Variants in OR51B5 observed in about 807,000 individuals in gnomAD.
OR51B5 encodes olfactory receptor family 51 subfamily B member 5.
For missense variants in OR51B5, 456 were observed against 374.6 expected (o/e 1.22, Z -1.79); for synonymous variants, 186 against 144.8 (o/e 1.28, Z -2.04).
chr11:5,494,087 T>G (rs1298688870), intron 1 of OR51B5, among the ~76,000 whole-genome samples: 2 of 152,184 alleles, frequency 1.3e-5, no homozygotes, highest in Non-Finnish European at 2.9e-5. Flanking sequence ...GCATAACTTC[T>G]ACCATACAAG....
In OR51B5 at chr11:5,482,136, T is replaced by C. The variant is rs1444290059; in HGVS notation, n.84+23433A>G. 6.1e-4 allele frequency among the ~76,000 whole-genome samples: 71 copies of C among 116,044 alleles called. 8 individuals are homozygous for C. The highest frequency in any genetic ancestry group is 1.0e-4 in the Non-Finnish European group (6 of 58,702). 76.1% of individuals were successfully genotyped at this position (116,044 alleles called of 152,430 possible). A position where few individuals can be genotyped will look rare whatever the true frequency, so the allele number is the denominator to read the frequency against. ...CAAGGCTACAATAACCAAAACAGCA[T>C]GGTACTGGTACCAAAACAGAGATAT... On this transcript the variant is annotated intron_variant and non_coding_transcript_variant, in intron 1 of 4. Coordinates refer to the OR51B5 transcript ENST00000415970.
downstream of OR51B5, chr11:5,342,533 T>A: frequency 6.6e-7 from 1 of 1,521,214 alleles, no homozygotes; most frequent in East Asian, 2.3e-5. Context: ...TTTGCTCTCC[T>A]GCTAAATATT....
At chr11:5,343,517 G>C in exon 1 of OR51B5, 1 of 906,024 alleles carries the variant, frequency 1.1e-6, no homozygotes, top group South Asian at 1.5e-5. Context: ...GCTGCCGCTG[G>C]ACGACATCCT....
intron 1 of OR51B5, chr11:5,505,526 G>A (rs1846359771): frequency 4.2e-6 from 5 of 1,193,220 alleles, no homozygotes; most frequent in African/African-American, 1.6e-5. Context: ...AGATATACCC[G>A]AGACTGGGCA....
intron 1 of OR51B5, among the ~76,000 whole-genome samples, chr11:5,494,571 G>T (rs908593500): frequency 1.3e-5 from 2 of 152,044 alleles, no homozygotes; most frequent in African/African-American, 2.4e-5. Flanking sequence ...TAATCAACTT[G>T]CCAATAAACT....
At chr11:5,479,625 T>G (rs1435237911) in intron 1 of OR51B5, among the ~76,000 whole-genome samples, 1 of 152,130 alleles carries the variant, frequency 6.6e-6, no homozygotes, top group Non-Finnish European at 1.5e-5. Flanking sequence ...CCATCTCATG[T>G]GCAGAGACAC....
chr11:5,495,589 C>G (rs1329889661), intron 1 of OR51B5, among the ~76,000 whole-genome samples: 1 of 152,006 alleles, frequency 6.6e-6, no homozygotes, highest in African/African-American at 2.4e-5. Context: ...GTAGTAGATA[C>G]ACAGAAGACA....
At chr11:5,359,201 T>C (rs1263900327) in intron 1 of OR51B5, among the ~76,000 whole-genome samples, 1 of 151,232 alleles carries the variant, frequency 6.6e-6, no homozygotes, top group Admixed American at 6.6e-5. Context: ...GGAAGTCAAA[T>C]TGTCCCTGTT....
intron 1 of OR51B5, among the ~76,000 whole-genome samples, chr11:5,387,376 TG>T (rs1372186302): frequency 6.6e-6 from 1 of 152,144 alleles, no homozygotes; most frequent in African/African-American, 2.4e-5. Context: ...TTTAGCTAAG[TG>T]GGTTTTAAAA....
At chr11:5,500,288 C>T (rs149777072) in intron 1 of OR51B5, among the ~76,000 whole-genome samples, 10 of 152,282 alleles carry the variant, frequency 6.6e-5, no homozygotes, top group Non-Finnish European at 1.5e-4. Context: ...GACCATAGTG[C>T]CCTATGTGAT....
chr11:5,352,029 T>C, intron 1 of OR51B5: 11 of 1,613,994 alleles, frequency 6.8e-6, no homozygotes, highest in Non-Finnish European at 9.3e-6. Flanking sequence ...TACTCTCCCA[T>C]GCTTTCTGTC....
chr11:5,415,653 T>C (rs1324375124), intron 1 of OR51B5, among the ~76,000 whole-genome samples: 2 of 152,108 alleles, frequency 1.3e-5, no homozygotes, highest in Admixed American at 6.5e-5. Flanking sequence ...AGCACCTCTA[T>C]GCAAATAAAC....
intron 1 of OR51B5, among the ~76,000 whole-genome samples, chr11:5,476,247 A>C (rs1851302998): frequency 1.3e-5 from 2 of 152,336 alleles, no homozygotes; most frequent in East Asian, 3.9e-4. Context: ...CTAATTCTAT[A>C]AACTCGTTTA....
chr11:5,477,372 C>A (rs1352965005), intron 1 of OR51B5, among the ~76,000 whole-genome samples: 1 of 152,178 alleles, frequency 6.6e-6, no homozygotes, highest in Non-Finnish European at 1.5e-5. Flanking sequence ...CACAATCCTA[C>A]CGGTCACCTT....
Position 5,501,271 on chromosome 11 carries a change from C to T in OR51B5, n.84+4298G>A, listed in dbSNP as rs181774740. Among the ~76,000 whole-genome samples, 809 of 147,872 alleles carry T rather than the reference C, an allele frequency of 5.5e-3. 30 individuals are homozygous for T. Among genetic ancestry groups the T allele is most frequent in the African/African-American group, 0.018 (754 of 41,276 alleles). On this transcript the variant is annotated intron_variant and non_coding_transcript_variant, in intron 1 of 4. Transcript: ENST00000415970. The stretch of plus-strand genomic sequence containing the variant: ...CTATGCCTGGGCTACAATAAGAACT[C>T]CCACCAAAAGAGGAATGCCTGATTC...
chr11:5,396,299 G>C lies in OR51B5; in HGVS notation n.85-49389C>G, dbSNP rs531529154. Among the ~76,000 whole-genome samples, 7 of 152,202 alleles carry C rather than the reference G, an allele frequency of 4.6e-5. No individual in the cohort carries two copies. The East Asian group carries it at 1.3e-3, about 29-fold the overall frequency. ...CAAATTGTCCCTGTTTGCAGATGACGTGATTGCATATCTAGAAAACCCCAT... is the reference window on the plus strand; with the variant it reads ...CAAATTGTCCCTGTTTGCAGATGACCTGATTGCATATCTAGAAAACCCCAT... On this transcript the variant is annotated intron_variant and non_coding_transcript_variant, in intron 1 of 4. Coordinates refer to the OR51B5 transcript ENST00000415970.
At chr11:5,463,298 G>A (rs1293107118) in intron 1 of OR51B5, among the ~76,000 whole-genome samples, 1 of 152,152 alleles carries the variant, frequency 6.6e-6, no homozygotes, top group Non-Finnish European at 1.5e-5. Flanking sequence ...AAGTATAATT[G>A]CCAGCCAAAC....
intron 1 of OR51B5, among the ~76,000 whole-genome samples, chr11:5,355,852 T>C (rs1334405322): frequency 1.3e-5 from 2 of 152,078 alleles, no homozygotes; most frequent in Non-Finnish European, 2.9e-5. Flanking sequence ...ATTCCTGTAG[T>C]GACATAGGCG....
At chr11:5,461,502 A>T (rs1851053096) in intron 1 of OR51B5, among the ~76,000 whole-genome samples, 1 of 152,146 alleles carries the variant, frequency 6.6e-6, no homozygotes, top group South Asian at 2.1e-4. Context: ...CCCGTGGGCA[A>T]GAGAGCTCTG....
Sources: allele counts gnomAD v4.1 joint callset (sites outside exome capture counted in the v4.1 genomes callset), GRCh38; gene constraint gnomAD v4.1.1; transcripts MANE v1.5; gene names NCBI Gene and HGNC (gene_info 2026-07-23, HGNC 2026-07-21).